The following METTL15 variants were observed in gnomAD, a reference collection of about 807,000 sequenced individuals.
The protein encoded by METTL15 is methyltransferase 15, mitochondrial 12S rRNA N4-cytidine.
In METTL15, 34 loss-of-function variants were observed where a neutral mutation model predicts 38.3. The observed-to-expected ratio is 0.89, with a 90% confidence interval of 0.68 to 1.18. The LOEUF (loss-of-function observed/expected upper bound fraction) is 1.18. Ranked by LOEUF, METTL15 falls within the 50% of genes most tolerant of loss-of-function variation. METTL15 has a pLI of 0.00. For missense variants in METTL15, 438 were observed against 498.4 expected (o/e 0.88, Z 1.15); for synonymous variants, 162 against 170.9 (o/e 0.95, Z 0.41).
chr11:28,493,809 G>A (rs1590393715), intron 6 of METTL15, among the ~76,000 whole-genome samples: 1 of 152,276 alleles, frequency 6.6e-6, no homozygotes, highest in South Asian at 2.1e-4. Context: ...GTTATCATTT[G>A]ATTCTATAAG....
chr11:28,110,228 A>G lies in METTL15; in HGVS notation c.-191A>G, dbSNP rs1482476906. 1 of 152,272 alleles carries G rather than the reference A, an allele frequency of 6.6e-6. No individual in the cohort carries two copies. The highest frequency in any genetic ancestry group is 1.9e-4 in the East Asian group (1 of 5,194). The allele number at this position is 152,272 out of a possible 1,614,324, so 9.4% of individuals were successfully genotyped here. A position where few individuals can be genotyped will look rare whatever the true frequency, so the allele number is the denominator to read the frequency against. ...TGGCAGCTGAGGCTGGAAACAGCGG[A>G]ACCAAAGGCAGACGGTCCTCAGTTG... On this transcript the variant is annotated 5_prime_UTR_variant, in exon 2 of 7. Coordinates refer to ENST00000407364, the MANE Select transcript of METTL15 (RefSeq NM_001113528.2).
At chr11:28,157,436 T>C (rs1250982920) in intron 3 of METTL15, among the ~76,000 whole-genome samples, 1 of 152,196 alleles carries the variant, frequency 6.6e-6, no homozygotes, top group African/African-American at 2.4e-5. Context: ...TTGGAGCCTT[T>C]GGCAGGCCCC....
At chr11:28,139,420 C>T (rs919744405) in intron 3 of METTL15, among the ~76,000 whole-genome samples, 12 of 152,180 alleles carry the variant, frequency 7.9e-5, no homozygotes, top group African/African-American at 2.9e-4. Flanking sequence ...GAGCTGTCCT[C>T]ACATCCCTGA....
intron 3 of METTL15, among the ~76,000 whole-genome samples, chr11:28,351,154 T>G (rs1850038444): frequency 6.6e-6 from 1 of 152,140 alleles, no homozygotes; most frequent in Non-Finnish European, 1.5e-5. Context: ...GCTCTGTTGC[T>G]AGGCTGGAGT....
chr11:28,432,928 C>A (rs1173273537), intron 6 of METTL15, among the ~76,000 whole-genome samples: 1 of 15,924 alleles, frequency 6.3e-5, no homozygotes, highest in African/African-American at 1.3e-4. Flanking sequence ...TTTTTTTCCA[C>A]ATTTTTTTTT....
At chr11:28,240,690 G>A (rs1854255441) in intron 4 of METTL15, among the ~76,000 whole-genome samples, 1 of 152,040 alleles carries the variant, frequency 6.6e-6, no homozygotes, top group South Asian at 2.1e-4. Context: ...TGATGTATTG[G>A]CAATCTTTTA....
chr11:28,436,842 T>C (rs186114893), intron 6 of METTL15, among the ~76,000 whole-genome samples: 30 of 152,224 alleles, frequency 2.0e-4, no homozygotes, highest in African/African-American at 7.0e-4. Flanking sequence ...TGTTCCTGGG[T>C]GTGTCTATGG....
chr11:28,196,685 A>G (rs1441702686), intron 3 of METTL15, among the ~76,000 whole-genome samples: 2 of 151,196 alleles, frequency 1.3e-5, no homozygotes, highest in African/African-American at 2.4e-5. Flanking sequence ...TTTTTTTTTT[A>G]AAGGAGAAGA....
chr11:28,397,852 A>G (rs991252245), intron 5 of METTL15, among the ~76,000 whole-genome samples: 5 of 152,192 alleles, frequency 3.3e-5, no homozygotes, highest in African/African-American at 7.2e-5. Context: ...ATGTCCATCA[A>G]TGATAGACTG....
chr11:28,294,795 G>A (rs1008247357), intron 5 of METTL15, among the ~76,000 whole-genome samples: 1 of 152,044 alleles, frequency 6.6e-6, no homozygotes, highest in East Asian at 1.9e-4. Flanking sequence ...TAGCACTATG[G>A]AAACTTCTAT....
intron 3 of METTL15, among the ~76,000 whole-genome samples, chr11:28,168,601 A>T (rs1325083392): frequency 1.6e-5 from 2 of 128,400 alleles, no homozygotes; most frequent in Non-Finnish European, 3.2e-5. Context: ...ATATCTCCTA[A>T]TGCTATCCCT....
intron 6 of METTL15, among the ~76,000 whole-genome samples, chr11:28,464,538 T>G (rs2133458055): frequency 6.6e-6 from 1 of 152,320 alleles, no homozygotes. Context: ...GAAAATTCAC[T>G]TGTGGTCATC....
chr11:28,501,359 A>T (rs539286907), intron 6 of METTL15, among the ~76,000 whole-genome samples: 30 of 152,332 alleles, frequency 2.0e-4, no homozygotes, highest in African/African-American at 6.5e-4. Context: ...AATGCGAAAC[A>T]TGGCATCCCA....
intron 5 of METTL15, among the ~76,000 whole-genome samples, chr11:28,362,545 T>C (rs1332870451): frequency 6.6e-6 from 1 of 152,206 alleles, no homozygotes; most frequent in Admixed American, 6.5e-5. Context: ...TCATCATGTA[T>C]ATTCAATGTT....
intron 5 of METTL15, among the ~76,000 whole-genome samples, chr11:28,370,069 A>T (rs1850227262): frequency 6.6e-6 from 1 of 152,142 alleles, no homozygotes; most frequent in East Asian, 1.9e-4. Flanking sequence ...TTTATGCTAG[A>T]AACACCTGAA....
chr11:28,378,431 G>A (rs7124325), intron 5 of METTL15, among the ~76,000 whole-genome samples: 61,639 of 152,060 alleles, frequency 0.41, 14,318 homozygotes, highest in Admixed American at 0.52. Context: ...GGTGCCATTC[G>A]TCACCCCTTT....
intron 6 of METTL15, among the ~76,000 whole-genome samples, chr11:28,320,610 G>A (rs1590319939): frequency 2.0e-5 from 3 of 151,932 alleles, no homozygotes; most frequent in Admixed American, 1.3e-4. Context: ...TGAAAACTAG[G>A]CACAGGAGTA....
At chr11:28,251,676 C>CT in intron 4 of METTL15, among the ~76,000 whole-genome samples, 1 of 151,978 alleles carries the variant, frequency 6.6e-6, no homozygotes, top group East Asian at 1.9e-4. Flanking sequence ...TTCCATAACT[C>CT]TCTGAATTTT....
intron 5 of METTL15, among the ~76,000 whole-genome samples, chr11:28,400,704 A>C (rs769569488): frequency 6.6e-6 from 1 of 151,912 alleles, no homozygotes; most frequent in Non-Finnish European, 1.5e-5. Context: ...AGTGTGGATA[A>C]AATCAAAGTT....
Sources: allele counts gnomAD v4.1 joint callset (sites outside exome capture counted in the v4.1 genomes callset), GRCh38; gene constraint gnomAD v4.1.1; transcripts MANE v1.5; gene names NCBI Gene and HGNC (gene_info 2026-07-23, HGNC 2026-07-21).